Variants in OR4E1 observed in about 807,000 individuals in gnomAD.
OR4E1 encodes the protein olfactory receptor family 4 subfamily E member 1.
rs1880840182 is a variant in OR4E1, at chr14:21,669,934, T to G, written c.*54A>C. ...TAAATATGGTATGTAACTTATTCTT[T>G]GCAAGGCGCTTCTTTAATTTGGAGC... On this transcript the variant is annotated 3_prime_UTR_variant, in exon 2 of 2. Transcript: ENST00000641792. 1 of 397,964 alleles carries G rather than the reference T, an allele frequency of 2.5e-6. No homozygotes were observed. The highest frequency in any genetic ancestry group is 4.4e-5 in the Admixed American group (1 of 22,732). 24.7% of individuals were successfully genotyped at this position (397,964 alleles called of 1,614,324 possible).
At chr14:21,671,064 A>G (rs904380582) in intron 1 of OR4E1, 112 bp from the exon 2 acceptor site, 2 of 397,078 alleles carry the variant, frequency 5.0e-6, no homozygotes, top group Admixed American at 8.8e-5. Context: ...ATTTATGGTA[A>G]AATATCTTGC....
rs1880848497 is a variant in OR4E1 at position 21,670,063 on chromosome 14, A to G, written c.873T>C (p.Tyr291=). Residue 291 remains tyrosine (Y), a synonymous_variant, in exon 2 of 2, where the codon TAT becomes TAC. Coordinates refer to ENST00000641792, the MANE Select transcript of OR4E1 (RefSeq NM_001317107.2). ...AVTPLLNPII[Y]TLRNEEMKSA... is the part of the protein sequence containing the mutation. ...TCTTCATTTCTTCATTCCTAAGGGT[A>G]TAGATAATGGGGTTCAGCAGGGGGG... 5.0e-6 allele frequency: 2 copies of G among 398,456 alleles called. No individual in the cohort carries two copies. Among genetic ancestry groups the G allele is most frequent in the East Asian group, 3.6e-5 (1 of 28,080 alleles). 24.7% of individuals were successfully genotyped at this position (398,456 alleles called of 1,614,324 possible). A position where few individuals can be genotyped will look rare whatever the true frequency, so the allele number is the denominator to read the frequency against.
At position 21,668,445 on chromosome 14, in the gene OR4E1, A is replaced by C. The variant is rs761909524; in HGVS notation, c.*1543T>G. 7.3e-6 allele frequency: 1 copy of C among 137,860 alleles called. No homozygotes were observed. The highest frequency in any genetic ancestry group is 1.6e-5 in the Non-Finnish European group (1 of 62,632). The allele number at this position is 137,860 out of a possible 1,614,324, so 8.5% of individuals were successfully genotyped here. A position where few individuals can be genotyped will look rare whatever the true frequency, so the allele number is the denominator to read the frequency against. ...TCACAGGTTTATTGATCATACACTC[A>C]CTGAGTGCCTAGGAAATCCCAGCTG... On this transcript the variant is annotated 3_prime_UTR_variant, in exon 2 of 2. Coordinates refer to ENST00000641792, the MANE Select transcript of OR4E1 (RefSeq NM_001317107.2).
In OR4E1 at chr14:21,670,117, C is replaced by T; in HGVS notation, c.819G>A (p.Lys273=). 1 of 398,822 alleles carries T rather than the reference C, an allele frequency of 2.5e-6. No individual in the cohort carries two copies. 24.7% of individuals were successfully genotyped at this position (398,822 alleles called of 1,614,324 possible). ...CTGCAGTGAAAAACACAGATACTAC[C>T]TTGTCCTCTGGGAGGCTGGTGGATG... ...SRPSTSLPED[K]VVSVFFTAVT... is the part of the protein sequence containing the mutation. Residue 273 remains lysine, a synonymous_variant, in exon 2 of 2, where the codon AAG becomes AAA. Coordinates refer to ENST00000641792, the MANE Select transcript of OR4E1 (RefSeq NM_001317107.2).
At position 21,673,651 on chromosome 14, in the gene OR4E1, T is replaced by A. The variant is rs1295607473; in HGVS notation, c.-579A>T. Reference sequence around the variant, plus strand: ...AGCCACTTTTGCAGGCCCTTCAGGTTTATTAGGACACTTCTAACACAAAAC... The same window carrying A: ...AGCCACTTTTGCAGGCCCTTCAGGTATATTAGGACACTTCTAACACAAAAC... On this transcript the variant is annotated 5_prime_UTR_variant, in exon 1 of 2. Transcript: ENST00000641792. The A allele has an allele frequency of 1.3e-5, 2 of 150,618 alleles. No individual in the cohort carries two copies. Among genetic ancestry groups the A allele is most frequent in the Non-Finnish European group, 2.9e-5 (2 of 67,828 alleles). The allele number at this position is 150,618 out of a possible 1,614,324, so 9.3% of individuals were successfully genotyped here. A position where few individuals can be genotyped will look rare whatever the true frequency, so the allele number is the denominator to read the frequency against.
At position 21,670,425 on chromosome 14, in the gene OR4E1, G is replaced by A. The variant is rs1178918966; in HGVS notation, c.511C>T (p.Pro171Ser). ...TCAATCTCATCAGGACCACAGTAGG[G>A]CAGCTTGATGGTAAGGGAGGTGAGG... ...IALTSLTIKL[P>S]YCGPDEIDNF... The change falls in exon 2 of 2, where the codon CCC becomes TCC. Residue 171 changes from proline (P) to serine (S), a missense_variant. Coordinates refer to ENST00000641792, the MANE Select transcript of OR4E1 (RefSeq NM_001317107.2). The A allele has an allele frequency of 1.3e-5, 5 of 399,652 alleles. No individual in the cohort carries two copies. The highest frequency in any genetic ancestry group is 2.2e-5 in the Non-Finnish European group (5 of 226,464). The allele number at this position is 399,652 out of a possible 1,614,324, so 24.8% of individuals were successfully genotyped here.
rs1480282517 is a variant in OR4E1, at chr14:21,668,411, C to T, written c.*1577G>A. ...TTCCTCCTAAAAATCATGATGTAGA[C>T]CTTGTGGCTCACAGGTTTATTGATC... is the stretch of plus-strand genomic sequence containing the variant. On this transcript the variant is annotated 3_prime_UTR_variant, in exon 2 of 2. Transcript: ENST00000641792. The T allele has an allele frequency of 4.4e-5, 4 of 89,904 alleles. No homozygotes were observed. Among genetic ancestry groups the T allele is most frequent in the Non-Finnish European group, 5.1e-5 (2 of 39,090 alleles). 5.6% of individuals were successfully genotyped at this position (89,904 alleles called of 1,614,324 possible).
In OR4E1 at chr14:21,670,560, G is replaced by A. The variant is rs546907185; in HGVS notation, c.376C>T (p.Arg126Trp). ...AGGGGTTTACAGATGGCCACATACC[G>A]ATCATAGGCCATGACGGTGAGGAGG... ...IFLLTVMAYD[R>W]YVAICKPLQY... The change falls in exon 2 of 2, where the codon CGG becomes TGG. Residue 126 changes from arginine (R) to tryptophan (W), a missense_variant. Coordinates refer to ENST00000641792, the MANE Select transcript of OR4E1 (RefSeq NM_001317107.2). The A allele has an allele frequency of 2.5e-4, 101 of 400,816 alleles. No homozygotes were observed. The highest frequency in any genetic ancestry group is 3.8e-4 in the Non-Finnish European group (87 of 226,720). The allele number at this position is 400,816 out of a possible 1,614,324, so 24.8% of individuals were successfully genotyped here.
intron 1 of OR4E1, among the ~76,000 whole-genome samples, chr14:21,671,627 GC>G (rs1880958214): frequency 6.6e-6 from 1 of 152,128 alleles, no homozygotes; most frequent in African/African-American, 2.4e-5. Flanking sequence ...TCAGCTGAGG[GC>G]AGACTTATTC....
At position 21,673,363 on chromosome 14, in the gene OR4E1, C is replaced by T. The variant is rs1348381135; in HGVS notation, c.-291G>A. 3 of 151,922 alleles carry T rather than the reference C, an allele frequency of 2.0e-5. No homozygotes were observed. The highest frequency in any genetic ancestry group is 4.4e-5 in the Non-Finnish European group (3 of 68,000). 9.4% of individuals were successfully genotyped at this position (151,922 alleles called of 1,614,324 possible). ...AAATAATATATATGTTTTCACTTTT[C>T]CAGATTGTAGTGGTGAGTAGAGGAG... is the stretch of plus-strand genomic sequence containing the variant. On this transcript the variant is annotated 5_prime_UTR_variant, in exon 1 of 2. Coordinates refer to ENST00000641792, the MANE Select transcript of OR4E1 (RefSeq NM_001317107.2).
rs188151135 is a variant in OR4E1, at chr14:21,670,145, C to T, written c.791G>A (p.Arg264His). 9.7e-3 allele frequency: 3,852 copies of T among 398,658 alleles called. 39 individuals are homozygous for T. Among genetic ancestry groups the T allele is most frequent in the Middle Eastern group, 0.016 (25 of 1,588 alleles). The allele number at this position is 398,658 out of a possible 1,614,324, so 24.7% of individuals were successfully genotyped here. The change falls in exon 2 of 2, where the codon CGC becomes CAC. Residue 264 changes from arginine (R) to histidine (H), a missense_variant. By Grantham distance (29) the Arg-to-His change is conservative. Transcript: ENST00000641792. Reference protein sequence around the residue: ...FLGHCIFIYSRPSTSLPEDKV... With the variant: ...FLGHCIFIYSHPSTSLPEDKV... Reference sequence around the variant, plus strand: ...GTCCTCTGGGAGGCTGGTGGATGGGCGGGAATAGATGAAGATGCAGTGTCC... The same window carrying T: ...GTCCTCTGGGAGGCTGGTGGATGGGTGGGAATAGATGAAGATGCAGTGTCC...
Position 21,670,854 on chromosome 14 carries a change from G to C in OR4E1, c.82C>G (p.Arg28Gly), listed in dbSNP as rs72686098. ...AGGAACATGGAAAACATAGCTATCC[G>C]TGCCTTATGATTTACAGATAAACCT... ...LRGLSVNHKA[R>G]IAMFSMFLIF... Residue 28 changes from arginine (R) to glycine (G), a missense_variant, in exon 2 of 2, where the codon CGG becomes GGG. Coordinates refer to ENST00000641792, the MANE Select transcript of OR4E1 (RefSeq NM_001317107.2). The C allele has an allele frequency of 2.5e-6, 1 of 398,862 alleles. No homozygotes were observed. 24.7% of individuals were successfully genotyped at this position (398,862 alleles called of 1,614,324 possible).
Position 21,671,544 on chromosome 14 carries a change from CA to C in OR4E1, c.-17-593del, listed in dbSNP as rs369734699. Among the ~76,000 whole-genome samples, 23 of 152,206 alleles carry C rather than the reference CA, an allele frequency of 1.5e-4. No homozygotes were observed. The South Asian group carries it at 4.6e-3, about 30-fold the overall frequency. On this transcript the variant is annotated intron_variant, in intron 1 of 1. Transcript: ENST00000641792. ...GCAACGTGGCTGTGATGTTCTTGAA[CA>C]ATTGTTTAGAGAAGGCAGGATAAAA... is the stretch of plus-strand genomic sequence containing the variant.
intron 1 of OR4E1, among the ~76,000 whole-genome samples, chr14:21,671,705 T>C (rs897174255): frequency 1.3e-5 from 2 of 152,172 alleles, no homozygotes; most frequent in Non-Finnish European, 2.9e-5. Context: ...CTAGCTCTTT[T>C]CAAAGTCCCG....
At chr14:21,672,439 G>T (rs893400702) in intron 1 of OR4E1, among the ~76,000 whole-genome samples, 27 of 152,324 alleles carry the variant, frequency 1.8e-4, no homozygotes, top group African/African-American at 6.3e-4. Flanking sequence ...TGTGTCCAGT[G>T]TTTGGATTAA....
intron 1 of OR4E1, among the ~76,000 whole-genome samples, 161 bp from the exon 2 acceptor site, chr14:21,671,113 A>G: frequency 6.6e-6 from 1 of 152,208 alleles, no homozygotes; most frequent in East Asian, 1.9e-4. Context: ...TTACATGATG[A>G]TACACCCATA....
chr14:21,672,830 T>G (rs1881024998), intron 1 of OR4E1, among the ~76,000 whole-genome samples: 1 of 152,246 alleles, frequency 6.6e-6, no homozygotes, highest in South Asian at 2.1e-4. Context: ...TGTGTTCAAC[T>G]GCAGTAGAAA....
At chr14:21,671,712 C>T (rs913096619) in intron 1 of OR4E1, among the ~76,000 whole-genome samples, 2 of 152,116 alleles carry the variant, frequency 1.3e-5, no homozygotes, top group African/African-American at 4.8e-5. Context: ...TTTTCAAAGT[C>T]CCGTTCTGTT....
intron 1 of OR4E1, among the ~76,000 whole-genome samples, chr14:21,671,419 C>T (rs554822569): frequency 5.3e-5 from 8 of 152,230 alleles, no homozygotes; most frequent in Non-Finnish European, 1.2e-4. Flanking sequence ...ACCCAAACCA[C>T]TTGCTCAGCT....
Sources: gnomAD v4.1 joint callset for allele counts (sites outside exome capture counted in the v4.1 genomes callset) on GRCh38, gnomAD v4.1.1 for gene constraint, MANE v1.5 for transcripts, NCBI Gene and HGNC (gene_info 2026-07-23, HGNC 2026-07-21) for gene names.